SANBR: variants seen among roughly 807,000 people sequenced by gnomAD.
SANBR encodes the protein SANT and BTB domain regulator of class switch recombination.
In SANBR, 77 loss-of-function variants were observed where a neutral mutation model predicts 101.8. The ratio of observed to expected loss-of-function variants is 0.76; its 90% CI spans 0.63 to 0.91. The LOEUF is 0.91. Among genes scored for constraint, SANBR ranks in the 40% least tolerant of loss-of-function variants. The probability of loss-of-function intolerance (pLI) is 0.00; values close to 1 mark genes in which losing one functional copy is unlikely to be tolerated. For synonymous variants in SANBR, 279 were observed against 274.7 expected (o/e 1.02, Z -0.15); for missense variants, 875 against 853.0 (o/e 1.03, Z -0.32).
intron 16 of SANBR, among the ~76,000 whole-genome samples, 158 bp downstream of exon 16, chr2:61,109,454 G>A (rs1683717668): frequency 6.6e-6 from 1 of 151,760 alleles, no homozygotes; most frequent in African/African-American, 2.4e-5. Context: ...TCCTAACCCG[G>A]GCATGAACAC....
chr2:61,117,673 C>A, intron 19 of SANBR, 133 bp downstream of exon 19: 1 of 729,918 alleles, frequency 1.4e-6, no homozygotes, highest in Non-Finnish European at 2.3e-6. Context: ...TGCATATTCC[C>A]TTAGGCAACA....
intron 2 of SANBR, among the ~76,000 whole-genome samples, chr2:61,069,931 G>A (rs932955517): frequency 2.6e-5 from 4 of 152,122 alleles, no homozygotes; most frequent in Non-Finnish European, 5.9e-5. Context: ...TATACGTCTT[G>A]TGTGGAATGG....
chr2:61,137,543 G>A (rs1684888236), exon 22 of SANBR: 1 of 152,222 alleles, frequency 6.6e-6, no homozygotes, highest in African/African-American at 2.4e-5. Context: ...TTCAGAGTTG[G>A]AGCAGGAGAG....
intron 13 of SANBR, among the ~76,000 whole-genome samples, chr2:61,105,613 G>A (rs987271331): frequency 2.6e-5 from 4 of 151,878 alleles, no homozygotes; most frequent in Admixed American, 6.6e-5. Flanking sequence ...TGAACCACCC[G>A]CCTCTGCCTC....
rs145289685 is a variant in SANBR at position 61,089,165 on chromosome 2, T to A, written c.1088+697T>A. The A allele has an allele frequency of 1.1e-5, 11 of 985,118 alleles. No individual in the cohort carries two copies. In the African/African-American group the frequency reaches 1.9e-4, roughly 17 times the overall value. 61.0% of individuals were successfully genotyped at this position (985,118 alleles called of 1,614,324 possible). A position where few individuals can be genotyped will look rare whatever the true frequency, so the allele number is the denominator to read the frequency against. ...TAAATTTTGGTGAGGAAAATTGTCT[T>A]TAGCATTGGATTTTCTGTCATCTAT... On this transcript the variant is annotated intron_variant, in intron 10 of 21. Transcript: ENST00000402291.
chr2:61,125,896 A>G (rs955253253), downstream of SANBR, among the ~76,000 whole-genome samples: 2 of 152,182 alleles, frequency 1.3e-5, no homozygotes, highest in African/African-American at 2.4e-5. Flanking sequence ...GGGTCTATCA[A>G]TACATTCCAA....
chr2:61,088,907 A>T, intron 10 of SANBR: 4 of 913,622 alleles, frequency 4.4e-6, no homozygotes, highest in Non-Finnish European at 5.2e-6. Context: ...TCTGCATGTT[A>T]TCCAACTTTC....
chr2:61,066,946 A>C (rs1195694606), intron 1 of SANBR, among the ~76,000 whole-genome samples: 2 of 152,138 alleles, frequency 1.3e-5, no homozygotes, highest in Non-Finnish European at 2.9e-5. Flanking sequence ...AAATATTGTC[A>C]AGATTTTGAT....
chr2:61,117,608 TTATACAGTATGC>T, intron 19 of SANBR, 68 bp downstream of exon 19: 1 of 1,338,640 alleles, frequency 7.5e-7, no homozygotes. Context: ...GTGTTTCATT[TTATACAGTATGC>T]TGAATAGCTC....
At chr2:61,070,236 C>T in intron 2 of SANBR, 106 bp from the exon 3 acceptor site, 1 of 764,610 alleles carries the variant, frequency 1.3e-6, no homozygotes, top group Non-Finnish European at 2.0e-6. Flanking sequence ...TTTTCCTTTA[C>T]ATGGTAGCAG....
chr2:61,083,320 T>C lies in SANBR; in HGVS notation c.890+6T>C. 6.5e-7 allele frequency: 1 copy of C among 1,527,866 alleles called. No homozygotes were observed. The highest frequency in any genetic ancestry group is 9.0e-7 in the Non-Finnish European group (1 of 1,111,384). The allele number at this position is 1,527,866 out of a possible 1,614,324, so 94.6% of individuals were successfully genotyped here. ...AAAAAAGATAAATTTAAAAGGTAAT[T>C]TCAAAAGTTTAATTTTAAACCTAAT... On this transcript the variant is annotated splice_donor_region_variant and intron_variant, in intron 8 of 21. Coordinates refer to ENST00000402291, the MANE Select transcript of SANBR (RefSeq NM_001129993.3).
At chr2:61,081,577 C>A in intron 7 of SANBR, 67 bp downstream of exon 7, 1 of 1,392,400 alleles carries the variant, frequency 7.2e-7, no homozygotes, top group Non-Finnish European at 9.6e-7. Flanking sequence ...CTTCAAGTAT[C>A]TAGAAAATTC....
In SANBR at chr2:61,133,963, C is replaced by T. The variant is rs906244049; in HGVS notation, c.2029-174C>T. Reference sequence around the variant, plus strand: ...ATATGTGGATTATATTGCAAGAAAACTGTTTCAAAAAGGCCAGTATTGCAT... The same window carrying T: ...ATATGTGGATTATATTGCAAGAAAATTGTTTCAAAAAGGCCAGTATTGCAT... On this transcript the variant is annotated intron_variant, in intron 20 of 21. Coordinates refer to the SANBR transcript ENST00000295031. Among the ~76,000 whole-genome samples the T allele has an allele frequency of 4.6e-5, 7 of 152,112 alleles. No homozygotes were observed. The South Asian group carries it at 8.3e-4, about 18-fold the overall frequency.
intron 11 of SANBR, among the ~76,000 whole-genome samples, chr2:61,095,887 C>A (rs547529281): frequency 6.6e-6 from 1 of 152,158 alleles, no homozygotes; most frequent in Non-Finnish European, 1.5e-5. Context: ...CTGGTCCTTT[C>A]CCCAACAGCT....
chr2:61,128,904 G>T (rs1329039063), downstream of SANBR, among the ~76,000 whole-genome samples: 1 of 152,050 alleles, frequency 6.6e-6, no homozygotes, highest in Non-Finnish European at 1.5e-5. Flanking sequence ...GGAGGCTGCA[G>T]TGAGTTATAA....
At position 61,104,468 on chromosome 2, in the gene SANBR, CAAAAAAAAAAGAGCA is replaced by C. The variant is rs369175673; in HGVS notation, c.1511+481_1511+495del. ...CTGCACTCCAGCCTGGGTGACAGAG[CAAAAAAAAAAGAGCA>C]AAAAAAAAAAAGAAAAGAGCCCTTG... is the stretch of plus-strand genomic sequence containing the variant. On this transcript the variant is annotated intron_variant, in intron 13 of 21. Transcript: ENST00000402291. Among the ~76,000 whole-genome samples the C allele has an allele frequency of 3.4e-3, 353 of 102,672 alleles. 3 individuals are homozygous for C. The highest frequency in any genetic ancestry group is 0.033 in the Middle Eastern group (6 of 180). The allele number at this position is 102,672 out of a possible 152,430, so 67.4% of individuals were successfully genotyped here.
chr2:61,115,543 G>A (rs1465400273), intron 16 of SANBR, among the ~76,000 whole-genome samples: 5 of 151,922 alleles, frequency 3.3e-5, no homozygotes, highest in Non-Finnish European at 1.5e-5. Context: ...TAATTATAAA[G>A]CCCTAAAATA....
chr2:61,077,268 T>C, intron 6 of SANBR, 110 bp downstream of exon 6: 1 of 743,800 alleles, frequency 1.3e-6, no homozygotes, highest in South Asian at 1.7e-5. Context: ...GTGTTTATGC[T>C]CATATTAGTA....
intron 17 of SANBR, among the ~76,000 whole-genome samples, chr2:61,116,762 G>A (rs1365660754): frequency 6.6e-6 from 1 of 151,990 alleles, no homozygotes; most frequent in South Asian, 2.1e-4. Context: ...AAAAAAAATT[G>A]TATCAGCTGG....
Sources: gnomAD v4.1 joint callset for allele counts (sites outside exome capture counted in the v4.1 genomes callset) on GRCh38, gnomAD v4.1.1 for gene constraint, MANE v1.5 for transcripts, NCBI Gene and HGNC (gene_info 2026-07-23, HGNC 2026-07-21) for gene names.